The following AGBL1 variants were observed in gnomAD, a reference collection of about 807,000 sequenced individuals.
AGBL1 encodes the protein cytosolic carboxypeptidase 4.
A neutral mutation model predicts 118.9 loss-of-function variants in AGBL1; 130 were observed. The ratio of observed to expected loss-of-function variants is 1.09; its 90% CI spans 0.95 to 1.26. The LOEUF (loss-of-function observed/expected upper bound fraction) is 1.26. Ranked by LOEUF, AGBL1 falls within the 50% of genes most tolerant of loss-of-function variation. AGBL1 has a pLI of 0.00. For synonymous variants in AGBL1, 555 were observed against 478.9 expected, an observed-to-expected ratio of 1.16 and a Z score of -2.08; for missense variants, 1,584 against 1,298.1, an observed-to-expected ratio of 1.22 and a Z score of -3.38.
At chr15:86,311,701 A>G (rs2079924229) in intron 17 of AGBL1, among the ~76,000 whole-genome samples, 1 of 152,050 alleles carries the variant, frequency 6.6e-6, no homozygotes, top group Non-Finnish European at 1.5e-5. Flanking sequence ...GAGGCACCTC[A>G]TGTGTGTTTT....
At chr15:86,279,853 T>G in intron 16 of AGBL1, 70 bp downstream of exon 16, 3 of 1,559,162 alleles carry the variant, frequency 1.9e-6, no homozygotes, top group Non-Finnish European at 2.6e-6. Context: ...TGGGAACATT[T>G]TGGAGACCCT....
chr15:86,397,447 A>G lies in AGBL1; in HGVS notation c.2456A>G (p.Glu819Gly). The stretch of plus-strand genomic sequence containing the variant: ...AGTTGGGTGATGAAGGGTACCTTGG[A>G]GTTCCTGGTCAGCAGTGACCCTGTG... ...NASWVMKGTL[E>G]FLVSSDPVAR... The change falls in exon 18 of 23, where the codon GAG (glutamate) becomes GGG (glycine). Residue 819 changes from glutamate to glycine, a missense_variant. By Grantham distance (98) the Glu-to-Gly change is moderately conservative (BLOSUM62 -2). Coordinates refer to ENST00000614907, the MANE Select transcript of AGBL1 (RefSeq NM_001386094.1). 2 of 1,613,152 alleles carry G rather than the reference A, an allele frequency of 1.2e-6. No individual in the cohort carries two copies. The highest frequency in any genetic ancestry group is 2.2e-5 in the South Asian group (2 of 91,022).
chr15:86,985,193 T>C (rs575409976), intron 23 of AGBL1, among the ~76,000 whole-genome samples: 2 of 152,340 alleles, frequency 1.3e-5, no homozygotes, highest in Non-Finnish European at 2.9e-5. Context: ...ATAAAACCTC[T>C]ATGGACATTC....
intron 19 of AGBL1, among the ~76,000 whole-genome samples, chr15:86,536,511 A>G (rs2083427856): frequency 6.6e-6 from 1 of 152,100 alleles, no homozygotes; most frequent in African/African-American, 2.4e-5. Flanking sequence ...GGGTTTCACC[A>G]TGTTGGCTAG....
intron 19 of AGBL1, among the ~76,000 whole-genome samples, chr15:86,537,262 G>A (rs1168613741): frequency 6.6e-6 from 1 of 152,214 alleles, no homozygotes; most frequent in Non-Finnish European, 1.5e-5. Flanking sequence ...ACATTATGGT[G>A]AAGACAGAGG....
Position 86,254,410 on chromosome 15 carries a change from A to G in AGBL1, c.736-2443A>G, listed in dbSNP as rs140570105. On this transcript the variant is annotated intron_variant, in intron 7 of 22. Coordinates refer to ENST00000614907, the MANE Select transcript of AGBL1 (RefSeq NM_001386094.1). ...TAGTAATCTTTAGTCCAGGATTTAAACTCATGTAGTCTGGCTCCAGGACCT... is the reference window on the plus strand; with the variant it reads ...TAGTAATCTTTAGTCCAGGATTTAAGCTCATGTAGTCTGGCTCCAGGACCT... Among the ~76,000 whole-genome samples, 143 of 152,172 alleles carry G rather than the reference A, an allele frequency of 9.4e-4. 2 individuals are homozygous for G. In the East Asian group the frequency reaches 0.017, roughly 18 times the overall value.
intron 3 of AGBL1, among the ~76,000 whole-genome samples, chr15:86,145,322 G>A (rs1003575781): frequency 2.0e-5 from 3 of 152,082 alleles, no homozygotes; most frequent in Non-Finnish European, 4.4e-5. Context: ...TTCCATTTAG[G>A]CTCCATAGTC....
At chr15:86,222,918 C>T (rs533695985) in intron 5 of AGBL1, among the ~76,000 whole-genome samples, 4 of 152,232 alleles carry the variant, frequency 2.6e-5, no homozygotes, top group African/African-American at 9.6e-5. Context: ...TATCCTAAAA[C>T]TTTCATGTGC....
chr15:86,102,559 A>G (rs1039350609), intron 1 of AGBL1, among the ~76,000 whole-genome samples: 1 of 152,170 alleles, frequency 6.6e-6, no homozygotes, highest in Non-Finnish European at 1.5e-5. Flanking sequence ...TGCTGTGTAT[A>G]GTATTCTTGC....
intron 22 of AGBL1, among the ~76,000 whole-genome samples, chr15:86,871,041 C>A (rs1596573475): frequency 6.6e-6 from 1 of 152,180 alleles, no homozygotes; most frequent in African/African-American, 2.4e-5. Context: ...TCTCCCTCAA[C>A]CCACATGATG....
intron 22 of AGBL1, among the ~76,000 whole-genome samples, chr15:86,851,491 G>A (rs188590555): frequency 1.3e-5 from 2 of 152,252 alleles, no homozygotes; most frequent in South Asian, 2.1e-4. Context: ...GAAATGGTAA[G>A]ATATATATCA....
intron 22 of AGBL1, among the ~76,000 whole-genome samples, chr15:86,721,610 C>T (rs1210440207): frequency 6.6e-6 from 1 of 152,196 alleles, no homozygotes; most frequent in Non-Finnish European, 1.5e-5. Context: ...CAGGGATGCC[C>T]TCTCTCACCA....
intron 21 of AGBL1, among the ~76,000 whole-genome samples, chr15:86,612,631 T>C (rs376615474): frequency 1.3e-3 from 198 of 152,318 alleles, no homozygotes; most frequent in African/African-American, 3.7e-3. Flanking sequence ...GAAATGAAAG[T>C]ATTTTACACC....
chr15:86,221,007 C>G (rs187716048), intron 5 of AGBL1, among the ~76,000 whole-genome samples: 1 of 152,150 alleles, frequency 6.6e-6, no homozygotes, highest in East Asian at 1.9e-4. Context: ...TGAGACCAGC[C>G]TAGCCAACAT....
At chr15:86,724,255 G>A (rs200400157) in intron 22 of AGBL1, among the ~76,000 whole-genome samples, 156 of 56,032 alleles carry the variant, frequency 2.8e-3, no homozygotes, top group Non-Finnish European at 3.2e-3. Flanking sequence ...AAAAAAAAAA[G>A]AAGGTGTTGA....
At chr15:86,237,725 A>T (rs371785191) in intron 6 of AGBL1, among the ~76,000 whole-genome samples, 2 of 152,318 alleles carry the variant, frequency 1.3e-5, no homozygotes, top group East Asian at 3.9e-4. Flanking sequence ...TAAGACAATT[A>T]TTCTGAAGGG....
intron 17 of AGBL1, among the ~76,000 whole-genome samples, chr15:86,310,275 C>G (rs1198032395): frequency 1.3e-5 from 2 of 152,100 alleles, no homozygotes; most frequent in African/African-American, 2.4e-5. Context: ...GTTGTAATGC[C>G]TCTTGTTTAA....
chr15:86,422,690 A>C (rs1444539460), intron 18 of AGBL1, among the ~76,000 whole-genome samples: 1 of 152,138 alleles, frequency 6.6e-6, no homozygotes, highest in Non-Finnish European at 1.5e-5. Context: ...AAATAGATAG[A>C]CCACTAGCCA....
At chr15:86,224,880 A>G in intron 5 of AGBL1, 34 bp from the exon 6 acceptor site, 1 of 1,611,356 alleles carries the variant, frequency 6.2e-7, no homozygotes, top group Non-Finnish European at 8.5e-7. Context: ...AGACCATTGA[A>G]TGTTGACTGT....
Sources: gnomAD v4.1 joint callset for allele counts (sites outside exome capture counted in the v4.1 genomes callset) on GRCh38, gnomAD v4.1.1 for gene constraint, MANE v1.5 for transcripts, NCBI Gene and HGNC (gene_info 2026-07-23, HGNC 2026-07-21) for gene names.